The following EVA1C variants were observed in gnomAD, a reference collection of about 807,000 sequenced individuals.
EVA1C encodes the protein protein eva-1 homolog C.
A neutral mutation model predicts 45.4 loss-of-function variants in EVA1C; 25 were observed. That is an observed-to-expected ratio of 0.55 (90% CI 0.40 to 0.77). The LOEUF is 0.77. Among genes scored for constraint, EVA1C ranks in the 30% least tolerant of loss-of-function variants. EVA1C has a pLI of 0.00. For synonymous variants in EVA1C, 190 were observed against 221.2 expected, an observed-to-expected ratio of 0.86 and a Z score of 1.25; for missense variants, 479 against 554.8, an observed-to-expected ratio of 0.86 and a Z score of 1.37.
At position 32,467,837 on chromosome 21, in the gene EVA1C, T is replaced by A. The variant is rs757227833; in HGVS notation, c.623T>A (p.Leu208His). ...ATCTGCTCCTCCAAGGCAGAGCGGCTCCCCCCTTTCGGTATGTGCTTTTGT... is the reference window on the plus strand; with the variant it reads ...ATCTGCTCCTCCAAGGCAGAGCGGCACCCCCCTTTCGGTATGTGCTTTTGT... ...RDICSSKAER[L>H]PPFDCLSYSA... The change falls in exon 4 of 8, where the codon CTC becomes CAC. Residue 208 changes from leucine to histidine, a missense_variant. By Grantham distance (99) the Leu-to-His change is moderately conservative (BLOSUM62 -3). Coordinates refer to ENST00000300255, the MANE Select transcript of EVA1C (RefSeq NM_058187.5). The A allele has an allele frequency of 9.3e-6, 15 of 1,608,154 alleles. No homozygotes were observed. In the East Asian group the frequency reaches 3.4e-4, roughly 36 times the overall value.
intron 4 of EVA1C, among the ~76,000 whole-genome samples, chr21:32,483,962 A>ATGTGTGTG (rs55688415): frequency 7.1e-4 from 105 of 147,340 alleles, no homozygotes; most frequent in Middle Eastern, 3.5e-3. Flanking sequence ...CTCACTGTTT[A>ATGTGTGTG]TGTGTGTGTG....
At chr21:32,506,999 C>T (rs545754437) in intron 7 of EVA1C, among the ~76,000 whole-genome samples, 35 of 152,294 alleles carry the variant, frequency 2.3e-4, no homozygotes, top group African/African-American at 8.4e-4. Flanking sequence ...TCCAAAAGTA[C>T]ATTTCCCAGG....
chr21:32,418,379 C>T (rs1322048211), intron 1 of EVA1C, among the ~76,000 whole-genome samples: 1 of 152,152 alleles, frequency 6.6e-6, no homozygotes, highest in Non-Finnish European at 1.5e-5. Flanking sequence ...AAGTTTTCTG[C>T]CGGCTCTTTT....
intron 1 of EVA1C, among the ~76,000 whole-genome samples, chr21:32,420,365 G>A (rs140632495): frequency 2.0e-3 from 299 of 152,200 alleles, no homozygotes; most frequent in African/African-American, 6.9e-3. Context: ...GCGAGACCCT[G>A]TCTCAAGAAA....
intron 4 of EVA1C, among the ~76,000 whole-genome samples, chr21:32,472,910 T>C (rs1303477790): frequency 6.6e-6 from 1 of 152,222 alleles, no homozygotes; most frequent in Non-Finnish European, 1.5e-5. Context: ...CCATTGCCCT[T>C]GGTGTACGTG....
chr21:32,432,503 G>A (rs2034747730), intron 1 of EVA1C, among the ~76,000 whole-genome samples: 2 of 152,296 alleles, frequency 1.3e-5, no homozygotes, highest in South Asian at 4.1e-4. Context: ...TTAGGATGAA[G>A]AGGAAGGAGA....
chr21:32,496,853 C>A, intron 5 of EVA1C: 1 of 935,666 alleles, frequency 1.1e-6, no homozygotes, highest in Non-Finnish European at 1.8e-6. Context: ...GGCATAGTGA[C>A]AGCTAAATCT....
intron 4 of EVA1C, among the ~76,000 whole-genome samples, chr21:32,480,414 T>C (rs951168807): frequency 2.6e-5 from 4 of 151,892 alleles, no homozygotes; most frequent in Admixed American, 2.6e-4. Flanking sequence ...AATGGGAAAG[T>C]GTAGCATACA....
chr21:32,438,736 T>G (rs2035062534), intron 1 of EVA1C, among the ~76,000 whole-genome samples: 1 of 152,102 alleles, frequency 6.6e-6, no homozygotes, highest in Non-Finnish European at 1.5e-5. Context: ...TAATGAGGAT[T>G]GATTGTAGAT....
chr21:32,484,834 C>T (rs952400555), intron 4 of EVA1C, among the ~76,000 whole-genome samples: 3 of 152,222 alleles, frequency 2.0e-5, no homozygotes, highest in African/African-American at 7.2e-5. Flanking sequence ...CGAGCAGCCA[C>T]GCCACTGGAG....
chr21:32,447,424 T>C (rs2035403928), intron 1 of EVA1C, among the ~76,000 whole-genome samples: 1 of 152,100 alleles, frequency 6.6e-6, no homozygotes, highest in South Asian at 2.1e-4. Context: ...CATGTGCATA[T>C]GTATTTATCT....
chr21:32,443,000 A>AGGAGGGAG (rs1279952008), intron 1 of EVA1C, among the ~76,000 whole-genome samples: 1 of 65,134 alleles, frequency 1.5e-5, no homozygotes, highest in Non-Finnish European at 2.9e-5. Context: ...GAGGGAGGGA[A>AGGAGGGAG]GGAGGGAGGG....
At chr21:32,487,468 C>T (rs540512431) in intron 4 of EVA1C, among the ~76,000 whole-genome samples, 1 of 152,264 alleles carries the variant, frequency 6.6e-6, no homozygotes, top group East Asian at 1.9e-4. Context: ...GACTCACATC[C>T]CTGTATTTTG....
At position 32,504,920 on chromosome 21, in the gene EVA1C, A is replaced by C. The variant is rs574989686; in HGVS notation, c.949+905A>C. The stretch of plus-strand genomic sequence containing the variant: ...CAGTTCCACATGGTTAGGGAGGCCT[A>C]ACAATCTCGGTGGAAGGTGAATGAG... On this transcript the variant is annotated intron_variant, in intron 7 of 7. Transcript: ENST00000300255. Among the ~76,000 whole-genome samples the C allele has an allele frequency of 2.4e-4, 37 of 152,100 alleles. No individual in the cohort carries two copies. In the East Asian group the frequency reaches 3.5e-3, roughly 14 times the overall value.
At chr21:32,440,669 A>G (rs943316075) in intron 1 of EVA1C, among the ~76,000 whole-genome samples, 1 of 152,210 alleles carries the variant, frequency 6.6e-6, no homozygotes, top group African/African-American at 2.4e-5. Flanking sequence ...ATGTGTGTGT[A>G]GCATATCACA....
chr21:32,431,682 C>T (rs1042471685), intron 1 of EVA1C, among the ~76,000 whole-genome samples: 4 of 152,146 alleles, frequency 2.6e-5, no homozygotes, highest in Admixed American at 6.5e-5. Context: ...GACACAGAAG[C>T]GTTGCAAGAA....
Position 32,467,697 on chromosome 21 carries a change from T to G in EVA1C, c.483T>G (p.Asn161Lys). The change falls in exon 4 of 8, where the codon AAT (asparagine) becomes AAG (lysine). Residue 161 changes from asparagine to lysine, a missense_variant and splice_region_variant. Physicochemically the swap from Asn to Lys is moderately conservative, Grantham distance 94. Transcript: ENST00000300255. ...CTTCAATTTTTGTTTTTGCTTCAGA[T>G]GAATTAAAAAACAAAACCGTGTGTG... is the stretch of plus-strand genomic sequence containing the variant. ...YLLVSFKCQP[N>K]ELKNKTVCED... The G allele has an allele frequency of 1.2e-6, 2 of 1,602,702 alleles. No individual in the cohort carries two copies. Among genetic ancestry groups the G allele is most frequent in the Non-Finnish European group, 1.7e-6 (2 of 1,175,948 alleles).
chr21:32,457,795 C>G (rs1601318256), intron 3 of EVA1C, 75 bp downstream of exon 3: 1 of 1,566,736 alleles, frequency 6.4e-7, no homozygotes, highest in East Asian at 2.3e-5. Flanking sequence ...TCAAAATTCT[C>G]TGCCCGTTGG....
intron 4 of EVA1C, among the ~76,000 whole-genome samples, chr21:32,480,563 G>A (rs2036743581): frequency 6.6e-6 from 1 of 152,214 alleles, no homozygotes; most frequent in Admixed American, 6.5e-5. Flanking sequence ...AGCTACTCGG[G>A]AGGCTAACGT....
Sources: allele counts gnomAD v4.1 joint callset (sites outside exome capture counted in the v4.1 genomes callset), GRCh38; gene constraint gnomAD v4.1.1; transcripts MANE v1.5; gene names NCBI Gene and HGNC (gene_info 2026-07-23, HGNC 2026-07-21).